Variants in TENM4 observed in about 807,000 individuals in gnomAD.
TENM4 encodes teneurin-4.
TENM4 carries 82 observed loss-of-function variants against 243.3 expected under a neutral mutation model. The ratio of observed to expected loss-of-function variants is 0.34; its 90% CI spans 0.28 to 0.40. The LOEUF (loss-of-function observed/expected upper bound fraction) is 0.40. Among genes scored for constraint, TENM4 ranks in the 10% least tolerant of loss-of-function variants. The probability of loss-of-function intolerance (pLI) is 1.00; values close to 1 mark genes in which losing one functional copy is unlikely to be tolerated. For missense variants in TENM4, 3,138 were observed against 3,673.3 expected (o/e 0.85, Z 3.77); for synonymous variants, 1,412 against 1,456.3 (o/e 0.97, Z 0.69).
At chr11:79,378,884 TAAAA>T (rs34204961) in intron 1 of TENM4, among the ~76,000 whole-genome samples, 1 of 116,908 alleles carries the variant, frequency 8.6e-6, no homozygotes. Context: ...CCCTGTCTGT[TAAAA>T]AAAAAAAAAA....
chr11:78,826,195 C>G (rs941339033), intron 12 of TENM4, among the ~76,000 whole-genome samples: 2 of 146,762 alleles, frequency 1.4e-5, no homozygotes, highest in African/African-American at 5.0e-5. Context: ...TCAAGAGAGT[C>G]TCCTGCCTCA....
At chr11:79,388,203 G>A (rs1247397280) in intron 1 of TENM4, among the ~76,000 whole-genome samples, 2 of 152,174 alleles carry the variant, frequency 1.3e-5, no homozygotes, top group African/African-American at 2.4e-5. Flanking sequence ...CGACCCCAGA[G>A]CAAGGCTGGT....
intron 1 of TENM4, among the ~76,000 whole-genome samples, chr11:79,410,212 G>C (rs368506419): frequency 5.3e-5 from 8 of 152,044 alleles, no homozygotes; most frequent in African/African-American, 1.9e-4. Flanking sequence ...TTCTCAGCAG[G>C]CTTCCTGGAA....
intron 2 of TENM4, among the ~76,000 whole-genome samples, chr11:79,292,252 AC>A (rs1246159188): frequency 6.6e-6 from 1 of 151,814 alleles, no homozygotes; most frequent in African/African-American, 2.4e-5. Flanking sequence ...ATGCACCAAG[AC>A]CTCCCCTTTC....
At chr11:78,930,519 T>C (rs1487018665) in intron 6 of TENM4, among the ~76,000 whole-genome samples, 1 of 152,196 alleles carries the variant, frequency 6.6e-6, no homozygotes, top group African/African-American at 2.4e-5. Flanking sequence ...TAGCTGTGTA[T>C]GATCTTGACA....
At chr11:78,997,734 C>G (rs1301791769) in intron 6 of TENM4, among the ~76,000 whole-genome samples, 1 of 152,190 alleles carries the variant, frequency 6.6e-6, no homozygotes, top group Admixed American at 6.5e-5. Context: ...AAGCTAAGTT[C>G]TGGACTGGCG....
At chr11:79,201,158 G>C (rs893744473) in intron 3 of TENM4, among the ~76,000 whole-genome samples, 5 of 152,222 alleles carry the variant, frequency 3.3e-5, no homozygotes, top group African/African-American at 4.8e-5. Flanking sequence ...GAAGGCAGTT[G>C]GGAAGTTTGG....
At chr11:79,332,342 C>T (rs1857074492) in intron 1 of TENM4, among the ~76,000 whole-genome samples, 2 of 152,128 alleles carry the variant, frequency 1.3e-5, no homozygotes, top group African/African-American at 4.8e-5. Flanking sequence ...AGGCCACAAA[C>T]CAAATGGCTT....
chr11:78,833,564 T>TG (rs1376828038), intron 12 of TENM4, among the ~76,000 whole-genome samples: 1 of 152,240 alleles, frequency 6.6e-6, no homozygotes, highest in Non-Finnish European at 1.5e-5. Flanking sequence ...CCCTTGCTGC[T>TG]GGAGCCCTCT....
At chr11:78,811,197 A>G (rs947211887) in intron 14 of TENM4, among the ~76,000 whole-genome samples, 4 of 152,190 alleles carry the variant, frequency 2.6e-5, no homozygotes, top group African/African-American at 9.7e-5. Flanking sequence ...ATGCAAACCT[A>G]TATCTGATTC....
intron 1 of TENM4, chr11:79,422,190 A>G (rs960523042): frequency 1.3e-5 from 2 of 153,040 alleles, no homozygotes; most frequent in African/African-American, 4.8e-5. Context: ...CCTTAAGCTA[A>G]TGGTGACAGG....
chr11:79,192,216 C>A (rs943121525), intron 3 of TENM4, among the ~76,000 whole-genome samples: 3 of 152,056 alleles, frequency 2.0e-5, no homozygotes, highest in Admixed American at 2.0e-4. Context: ...GCCGCCCCTA[C>A]TGGGAAGTGA....
intron 17 of TENM4, among the ~76,000 whole-genome samples, chr11:78,775,072 A>G (rs1194925743): frequency 2.0e-5 from 3 of 152,198 alleles, no homozygotes; most frequent in African/African-American, 4.8e-5. Flanking sequence ...GTTGCATCCT[A>G]TATTCTTATT....
chr11:79,218,439 T>C (rs867991521), intron 2 of TENM4, among the ~76,000 whole-genome samples: 1 of 152,162 alleles, frequency 6.6e-6, no homozygotes, highest in African/African-American at 2.4e-5. Context: ...ATGTAAGTGA[T>C]ATGTACGTTT....
rs139766918 is a variant in TENM4, at chr11:79,060,972, G to A, written c.493+3766C>T. On this transcript the variant is annotated intron_variant, in intron 6 of 33. Coordinates refer to ENST00000278550, the MANE Select transcript of TENM4 (RefSeq NM_001098816.3). Reference sequence around the variant, plus strand: ...GGAGAGGTCTGGCTGGGGCCCAGGGGTTTGTTGAGGTCAGTGGGAACTAGA... The same window carrying A: ...GGAGAGGTCTGGCTGGGGCCCAGGGATTTGTTGAGGTCAGTGGGAACTAGA... Among the ~76,000 whole-genome samples, 3 of 152,266 alleles carry A rather than the reference G, an allele frequency of 2.0e-5. No individual in the cohort carries two copies. In the South Asian group the frequency reaches 6.2e-4, roughly 32 times the overall value.
intron 1 of TENM4, among the ~76,000 whole-genome samples, chr11:79,318,208 C>T (rs770646633): frequency 6.6e-6 from 1 of 151,836 alleles, no homozygotes; most frequent in Non-Finnish European, 1.5e-5. Flanking sequence ...CAGGGCCTAC[C>T]GTGTTCCCCA....
At chr11:78,994,717 A>G (rs186332866) in intron 6 of TENM4, among the ~76,000 whole-genome samples, 1 of 152,338 alleles carries the variant, frequency 6.6e-6, no homozygotes, top group East Asian at 1.9e-4. Context: ...AGACTAGGGA[A>G]GATACAGACA....
At chr11:79,292,327 G>A (rs760062869) in intron 2 of TENM4, among the ~76,000 whole-genome samples, 4 of 150,256 alleles carry the variant, frequency 2.7e-5, no homozygotes, top group Non-Finnish European at 5.9e-5. Flanking sequence ...AATACTCACA[G>A]TAAATGCCAC....
At chr11:79,089,849 G>A (rs1289607397) in intron 4 of TENM4, among the ~76,000 whole-genome samples, 1 of 152,150 alleles carries the variant, frequency 6.6e-6, no homozygotes, top group East Asian at 1.9e-4. Context: ...GTGCTGTTGT[G>A]TTGCCATTTT....
Sources: gnomAD v4.1 joint callset for allele counts (sites outside exome capture counted in the v4.1 genomes callset) on GRCh38, gnomAD v4.1.1 for gene constraint, MANE v1.5 for transcripts, NCBI Gene and HGNC (gene_info 2026-07-23, HGNC 2026-07-21) for gene names.